Variants in PTPRN2 observed in about 807,000 individuals in gnomAD.
PTPRN2 encodes the protein protein tyrosine phosphatase receptor type N2.
In PTPRN2, 74 loss-of-function variants were observed where a neutral mutation model predicts 118.8. That is an observed-to-expected ratio of 0.62 (90% CI 0.52 to 0.76). The LOEUF (loss-of-function observed/expected upper bound fraction) is 0.76. Ranked by LOEUF, PTPRN2 falls within the 30% of genes least tolerant of loss-of-function variation. The pLI, the probability that PTPRN2 is intolerant of heterozygous loss-of-function variation, is 0.00. For missense variants in PTPRN2, 1,481 were observed against 1,394.4 expected, an observed-to-expected ratio of 1.06 and a Z score of -0.99; for synonymous variants, 641 against 608.0, an observed-to-expected ratio of 1.05 and a Z score of -0.80.
intron 12 of PTPRN2, among the ~76,000 whole-genome samples, chr7:157,684,054 T>C (rs1439933733): frequency 6.6e-6 from 1 of 152,112 alleles, no homozygotes; most frequent in African/African-American, 2.4e-5. Flanking sequence ...CAACTCTTCA[T>C]TTCCTCCCGT....
At chr7:158,232,149 A>G (rs1232200339) in intron 3 of PTPRN2, among the ~76,000 whole-genome samples, 1 of 152,144 alleles carries the variant, frequency 6.6e-6, no homozygotes, top group Non-Finnish European at 1.5e-5. Flanking sequence ...GATAAAATAT[A>G]CAGAAAAATC....
chr7:158,584,829 G>A (rs2129452897), intron 1 of PTPRN2, among the ~76,000 whole-genome samples: 1 of 152,272 alleles, frequency 6.6e-6, no homozygotes, highest in South Asian at 2.1e-4. Context: ...CTGTCAACAT[G>A]AGAAAGGCCC....
rs543264107 is a variant in PTPRN2, at chr7:158,504,929, G to A, written c.113-15144C>T. Among the ~76,000 whole-genome samples, 57 of 152,260 alleles carry A rather than the reference G, an allele frequency of 3.7e-4. 1 individual carries two copies. The highest frequency in any genetic ancestry group is 1.3e-3 in the African/African-American group (56 of 41,552). The stretch of plus-strand genomic sequence containing the variant: ...TAAAAAGAATTCTAGATATTTTAAA[G>A]GTATATATGTAAGACTTTCAAAATA... On this transcript the variant is annotated intron_variant, in intron 1 of 22. Coordinates refer to ENST00000389418, the MANE Select transcript of PTPRN2 (RefSeq NM_002847.5).
At chr7:158,188,811 T>C (rs1825520623) in intron 5 of PTPRN2, among the ~76,000 whole-genome samples, 2 of 152,068 alleles carry the variant, frequency 1.3e-5, no homozygotes, top group Admixed American at 6.5e-5. Context: ...CCGGGGCGTG[T>C]GTTGAGAATG....
intron 11 of PTPRN2, among the ~76,000 whole-genome samples, chr7:157,914,792 G>A (rs888989614): frequency 9.9e-5 from 15 of 151,856 alleles, no homozygotes; most frequent in Non-Finnish European, 1.9e-4. Flanking sequence ...TGCATTGTAG[G>A]TAAGATTCTC....
At chr7:158,023,349 G>A (rs1171907038) in intron 11 of PTPRN2, among the ~76,000 whole-genome samples, 1 of 152,112 alleles carries the variant, frequency 6.6e-6, no homozygotes, top group Non-Finnish European at 1.5e-5. Flanking sequence ...GTGAGGCTCT[G>A]CTCCCATGGC....
chr7:157,566,999 A>G (rs972463691), intron 21 of PTPRN2, among the ~76,000 whole-genome samples: 1 of 152,244 alleles, frequency 6.6e-6, no homozygotes, highest in Non-Finnish European at 1.5e-5. Context: ...AGAAACACTT[A>G]CATCAAATGA....
chr7:158,324,436 A>G (rs1803313253), intron 2 of PTPRN2, among the ~76,000 whole-genome samples: 1 of 152,190 alleles, frequency 6.6e-6, no homozygotes, highest in Non-Finnish European at 1.5e-5. Context: ...AATCTCACAT[A>G]GATTTACAAG....
At chr7:157,972,859 A>AGT (rs1225009826) in intron 11 of PTPRN2, among the ~76,000 whole-genome samples, 68 of 43,246 alleles carry the variant, frequency 1.6e-3, no homozygotes, top group African/African-American at 3.9e-3. Context: ...GAGACCGCAG[A>AGT]AACTCCACAC....
chr7:158,207,143 A>C (rs1479763408), intron 3 of PTPRN2, among the ~76,000 whole-genome samples: 1 of 146,046 alleles, frequency 6.8e-6, no homozygotes, highest in Non-Finnish European at 1.5e-5. Context: ...TGCACTCATC[A>C]TTTTTTATGG....
chr7:158,164,549 GCA>G lies in PTPRN2; in HGVS notation c.910+2380_910+2381del, dbSNP rs373462556. ...GGGAGCGCGCACGTAGGGAAGGCGC[GCA>G]CGTAGGGAAGGCACGCAGAGCAGGA... On this transcript the variant is annotated intron_variant, in intron 6 of 22. Transcript: ENST00000389418. Among the ~76,000 whole-genome samples, 18 of 4,754 alleles carry G rather than the reference GCA, an allele frequency of 3.8e-3. 2 individuals are homozygous for G. Among genetic ancestry groups the G allele is most frequent in the East Asian group, 0.011 (2 of 178 alleles). The allele number at this position is 4,754 out of a possible 152,430, so 3.1% of individuals were successfully genotyped here. A position where few individuals can be genotyped will look rare whatever the true frequency, so the allele number is the denominator to read the frequency against.
At chr7:158,446,943 G>A (rs985527950) in intron 2 of PTPRN2, among the ~76,000 whole-genome samples, 5 of 152,140 alleles carry the variant, frequency 3.3e-5, no homozygotes, top group Non-Finnish European at 5.9e-5. Flanking sequence ...CGTCACTTTC[G>A]AGGGTCATCA....
rs188374011 is a variant in PTPRN2 at position 157,767,953 on chromosome 7, G to T, written c.1789-85016C>A. 2.0e-4 allele frequency among the ~76,000 whole-genome samples: 31 copies of T among 152,372 alleles called. No individual in the cohort carries two copies. In the East Asian group the frequency reaches 4.2e-3, roughly 21 times the overall value. On this transcript the variant is annotated intron_variant, in intron 12 of 22. Coordinates refer to ENST00000389418, the MANE Select transcript of PTPRN2 (RefSeq NM_002847.5). ...GGGACATTAAGGACATGAAGGCACA[G>T]TCATGGGACGCTTCCATACACGATT... is the stretch of plus-strand genomic sequence containing the variant.
At chr7:158,171,892 A>G (rs1823734439) in intron 5 of PTPRN2, among the ~76,000 whole-genome samples, 1 of 152,210 alleles carries the variant, frequency 6.6e-6, no homozygotes, top group African/African-American at 2.4e-5. Flanking sequence ...TTAGCAGCCT[A>G]ACGGCATAGA....
chr7:157,688,109 C>A (rs1205519426), intron 12 of PTPRN2, among the ~76,000 whole-genome samples: 1 of 151,950 alleles, frequency 6.6e-6, no homozygotes, highest in African/African-American at 2.4e-5. Flanking sequence ...CCCAAAAAAG[C>A]AAAAGAAAAG....
intron 1 of PTPRN2, among the ~76,000 whole-genome samples, chr7:158,523,040 G>T (rs56203314): frequency 0.032 from 4,895 of 152,346 alleles, 266 homozygotes; most frequent in African/African-American, 0.11. Flanking sequence ...TTTAGGGATT[G>T]TCAGCATCAC....
chr7:157,605,266 G>A (rs981193391), intron 15 of PTPRN2, among the ~76,000 whole-genome samples: 3 of 152,242 alleles, frequency 2.0e-5, no homozygotes, highest in African/African-American at 7.2e-5. Context: ...ATGGGTGCGG[G>A]CTCTCTGTGA....
intron 6 of PTPRN2, among the ~76,000 whole-genome samples, chr7:158,151,171 C>T (rs2150529245): frequency 2.6e-5 from 1 of 38,226 alleles, no homozygotes; most frequent in Non-Finnish European, 4.7e-5. Flanking sequence ...ACACCGCCCG[C>T]CTTTCTGCTC....
chr7:157,684,283 C>CGCG (rs1797054659), intron 12 of PTPRN2, among the ~76,000 whole-genome samples: 1 of 151,244 alleles, frequency 6.6e-6, no homozygotes, highest in South Asian at 2.1e-4. Context: ...TGCCTGGATG[C>CGCG]GCGGCTCGGA....
Sources: allele counts gnomAD v4.1 joint callset (sites outside exome capture counted in the v4.1 genomes callset), GRCh38; gene constraint gnomAD v4.1.1; transcripts MANE v1.5; gene names NCBI Gene and HGNC (gene_info 2026-07-23, HGNC 2026-07-21).